LIG1: variants seen among roughly 807,000 people sequenced by gnomAD.
The protein encoded by LIG1 is DNA ligase 1.
In LIG1, 70 loss-of-function variants were observed where a neutral mutation model predicts 115.7. The ratio of observed to expected loss-of-function variants is 0.60; its 90% CI spans 0.50 to 0.74. The LOEUF is 0.74. Among genes scored for constraint, LIG1 ranks in the 30% least tolerant of loss-of-function variants. The pLI is 0.00. For synonymous variants in LIG1, 487 were observed against 495.3 expected, an observed-to-expected ratio of 0.98 and a Z score of 0.22; for missense variants, 1,115 against 1,225.6, an observed-to-expected ratio of 0.91 and a Z score of 1.35.
In LIG1 at chr19:48,149,904, A is replaced by G. The variant is rs543860450; in HGVS notation, c.698-63T>C. 5.1e-6 allele frequency: 8 copies of G among 1,564,432 alleles called. No individual in the cohort carries two copies. In the African/African-American group the frequency reaches 9.4e-5, roughly 18 times the overall value. On this transcript the variant is annotated intron_variant, in intron 8 of 27. Transcript: ENST00000263274. ...TTCCGGTAGCCCCCACCTCCCATCC[A>G]TTCTGCACCCAGCACCACCCCAGTG...
chr19:48,166,256 G>A lies in LIG1; in HGVS notation c.-57-633C>T, dbSNP rs149813812. On this transcript the variant is annotated intron_variant, in intron 1 of 27. Transcript: ENST00000263274. ...TACTAAAAATACAAAAATTAGCCAGGTGCGGTGGCACGCGCCTGTATTCCC... is the reference window on the plus strand; with the variant it reads ...TACTAAAAATACAAAAATTAGCCAGATGCGGTGGCACGCGCCTGTATTCCC... Among the ~76,000 whole-genome samples the A allele has an allele frequency of 4.7e-4, 71 of 152,284 alleles. 1 individual carries two copies. In the East Asian group the frequency reaches 0.012, roughly 26 times the overall value.
intron 1 of LIG1, chr19:48,169,873 G>GT (rs1180848775): frequency 6.3e-6 from 1 of 157,962 alleles, no homozygotes; most frequent in Non-Finnish European, 1.3e-5. Flanking sequence ...CCCCTCGGGG[G>GT]GCCTTCCGAT....
rs1403439482 is a variant in LIG1, at chr19:48,156,921, A to C, written c.370+93T>G. 7.5e-5 allele frequency: 91 copies of C among 1,217,682 alleles called. No homozygotes were observed. The Middle Eastern group carries it at 9.0e-4, about 12-fold the overall frequency. 75.4% of individuals were successfully genotyped at this position (1,217,682 alleles called of 1,614,324 possible). On this transcript the variant is annotated intron_variant, in intron 5 of 27. Transcript: ENST00000263274. The stretch of plus-strand genomic sequence containing the variant: ...GCCACTGCACTCCAGCCTAGGCAAC[A>C]GAGCGAGACTATGTCTCAAAAAAAA...
In LIG1 at chr19:48,121,205, C is replaced by G. The variant is rs772420721; in HGVS notation, c.2350G>C (p.Asp784His). The change falls in exon 24 of 28, where the codon GAC becomes CAC. Residue 784 changes from aspartate (D) to histidine (H), a missense_variant. By Grantham distance (81) the Asp-to-His change is moderately conservative (BLOSUM62 -1). Transcript: ENST00000263274. ...RYGGFLLASY[D>H]EDSEELQAIC... ...GCCTGCAGCTCCTCACTGTCCTCGT[C>G]GTAGGAGGCCAGCAGGAAGCCCCCG... The G allele has an allele frequency of 6.2e-7, 1 of 1,614,098 alleles. No homozygotes were observed. The highest frequency in any genetic ancestry group is 8.5e-7 in the Non-Finnish European group (1 of 1,180,032).
chr19:48,137,503 A>G lies in LIG1; in HGVS notation c.1254+19T>C. 1 of 1,609,936 alleles carries G rather than the reference A, an allele frequency of 6.2e-7. No homozygotes were observed. The highest frequency in any genetic ancestry group is 8.5e-7 in the Non-Finnish European group (1 of 1,179,918). On this transcript the variant is annotated intron_variant, in intron 13 of 27. Transcript: ENST00000263274. The surrounding 1 kb of genome is among the most constrained non-coding windows in gnomAD (Gnocchi z 4.3). ...CCCAAGATGTCTGGGGTCCGGGATG[A>G]GCGGCCCGCCCCACTCACAGCACTG...
intron 21 of LIG1, among the ~76,000 whole-genome samples, chr19:48,124,363 A>T (rs903974367): frequency 6.6e-6 from 1 of 152,186 alleles, no homozygotes; most frequent in Non-Finnish European, 1.5e-5. Context: ...CTAGCTGGTG[A>T]CTTCAGGCAA....
chr19:48,166,447 G>A (rs911808714), intron 1 of LIG1, among the ~76,000 whole-genome samples: 10 of 152,130 alleles, frequency 6.6e-5, no homozygotes, highest in Admixed American at 2.6e-4. Context: ...TCTTGTATAT[G>A]TACAGAACAT....
At chr19:48,167,812 C>G (rs2036557015) in intron 1 of LIG1, among the ~76,000 whole-genome samples, 1 of 142,884 alleles carries the variant, frequency 7.0e-6, no homozygotes, top group Non-Finnish European at 1.5e-5. Context: ...GGCGACAGAG[C>G]GAGACCCCGT....
intron 1 of LIG1, among the ~76,000 whole-genome samples, chr19:48,169,274 G>A (rs1398548753): frequency 6.6e-6 from 1 of 152,076 alleles, no homozygotes; most frequent in African/African-American, 2.4e-5. Flanking sequence ...ATCTATACAA[G>A]GAATCAAGCT....
Position 48,137,016 on chromosome 19 carries a change from G to C in LIG1, c.1323C>G (p.Phe441Leu). ...FVACRHSEAR[F>L]IARSLSGRLR... is the part of the protein sequence containing the mutation. ...CAGGCCCACACGCTTACCTAGCGAT[G>C]AACCGGGCTTCTGAGTGGCGGCAGG... is the stretch of plus-strand genomic sequence containing the variant. Residue 441 changes from phenylalanine (F) to leucine (L), a missense_variant, in exon 14 of 28, where the codon TTC (phenylalanine) becomes TTG (leucine). Coordinates refer to ENST00000263274, the MANE Select transcript of LIG1 (RefSeq NM_000234.3). The surrounding 1 kb of genome is among the most constrained non-coding windows in gnomAD (Gnocchi z 4.3). 1 of 1,612,334 alleles carries C rather than the reference G, an allele frequency of 6.2e-7. No individual in the cohort carries two copies. The highest frequency in any genetic ancestry group is 1.7e-5 in the Admixed American group (1 of 59,752).
chr19:48,165,664 T>G, intron 1 of LIG1, 41 bp from the exon 2 acceptor site: 1 of 1,447,072 alleles, frequency 6.9e-7, no homozygotes, highest in Non-Finnish European at 9.7e-7. Context: ...TGATTGGTTG[T>G]GCAGAGATCT....
rs2033712486 is a variant in LIG1, at chr19:48,126,981, A to G, written c.2004+296T>C. On this transcript the variant is annotated intron_variant, in intron 21 of 27. Coordinates refer to ENST00000263274, the MANE Select transcript of LIG1 (RefSeq NM_000234.3). ...CAAATCCTCTAATATCTGGCTTAAC[A>G]GAGGCTGGATTCTCCTGCGTGCTTC... 7 of 431,814 alleles carry G rather than the reference A, an allele frequency of 1.6e-5. No individual in the cohort carries two copies. The South Asian group carries it at 1.7e-4, about 11-fold the overall frequency. 26.7% of individuals were successfully genotyped at this position (431,814 alleles called of 1,614,324 possible).
rs1456248727 is a variant in LIG1 at position 48,127,681 on chromosome 19, A to G, written c.1932+229T>C. The G allele has an allele frequency of 6.4e-6, 4 of 624,564 alleles. No homozygotes were observed. In the Admixed American group the frequency reaches 1.0e-4, roughly 16 times the overall value. 38.7% of individuals were successfully genotyped at this position (624,564 alleles called of 1,614,324 possible). On this transcript the variant is annotated intron_variant, in intron 20 of 27. Transcript: ENST00000263274. ...TTTTCCAGAACAGATCTTCTTTCAT[A>G]GTAAAACAACAGAGATGCCCGAAAA...
chr19:48,119,049 G>A (rs2033072180), intron 25 of LIG1, 88 bp downstream of exon 25: 2 of 1,113,916 alleles, frequency 1.8e-6, no homozygotes, highest in South Asian at 2.7e-5. Context: ...CCAAGATGGT[G>A]GAAGCCAAGA....
chr19:48,122,654 C>T lies in LIG1; in HGVS notation c.2232+280G>A, dbSNP rs546075981. Among the ~76,000 whole-genome samples the T allele has an allele frequency of 3.9e-5, 6 of 152,330 alleles. No individual in the cohort carries two copies. Among genetic ancestry groups the T allele is most frequent in the Admixed American group, 3.3e-4 (5 of 15,308 alleles). Reference sequence around the variant, plus strand: ...TTAATTCCTGCCCAAGAGCCTGGCCCGACACGGGCGGCAGGCTCAGGAGAG... The same window carrying T: ...TTAATTCCTGCCCAAGAGCCTGGCCTGACACGGGCGGCAGGCTCAGGAGAG... On this transcript the variant is annotated intron_variant, in intron 23 of 27. Coordinates refer to ENST00000263274, the MANE Select transcript of LIG1 (RefSeq NM_000234.3). The surrounding 1 kb of genome is among the most constrained non-coding windows in gnomAD (Gnocchi z 4.3).
At position 48,133,061 on chromosome 19, in the gene LIG1, C is replaced by G. The variant is rs745950562; in HGVS notation, c.1646G>C (p.Arg549Pro). The change falls in exon 18 of 28, where the codon CGG (arginine) becomes CCG (proline). Residue 549 changes from arginine (R) to proline (P), a missense_variant. Coordinates refer to ENST00000263274, the MANE Select transcript of LIG1 (RefSeq NM_000234.3). ...PLKPMLAHPT[R>P]GISEVLKRFE... ...GCGTTTCAGGACCTCGCTGATGCCC[C>G]GGGTGGGATGGGCCAACATTGGTTT... The G allele has an allele frequency of 5.6e-6, 9 of 1,614,086 alleles. 1 individual carries two copies. Among genetic ancestry groups the G allele is most frequent in the Admixed American group, 3.3e-5 (2 of 60,020 alleles).
At chr19:48,167,294 C>G (rs971380821) in intron 1 of LIG1, among the ~76,000 whole-genome samples, 4 of 151,900 alleles carry the variant, frequency 2.6e-5, no homozygotes, top group African/African-American at 9.7e-5. Flanking sequence ...AAAGGACTAG[C>G]AGGACCTCTG....
At chr19:48,115,784 CCTCCACAAGGTTCCAGAGAGG>C (rs1475531799) in intron 27 of LIG1, 52 bp from the exon 28 acceptor site, 8 of 1,583,200 alleles carry the variant, frequency 5.1e-6, no homozygotes, top group Non-Finnish European at 6.9e-6. Flanking sequence ...GCTGCTCCCA[CCTCCACAAGGTTCCAGAGAGG>C]CCACCACGCT....
At chr19:48,120,796 G>GA (rs551403916) in intron 24 of LIG1, 11,585 of 448,150 alleles carry the variant, frequency 0.026, 1 homozygote, top group South Asian at 0.042. Context: ...GCACATGGCA[G>GA]AAAAAAAAAA....
Sources: allele counts gnomAD v4.1 joint callset (sites outside exome capture counted in the v4.1 genomes callset), GRCh38; gene constraint gnomAD v4.1.1; non-coding constraint Gnocchi (gnomAD v3.1); transcripts MANE v1.5; gene names NCBI Gene and HGNC (gene_info 2026-07-23, HGNC 2026-07-21).